Variants in EDA observed in about 807,000 individuals in gnomAD.
EDA encodes the protein ectodysplasin A.
Under a neutral mutation model 23.6 loss-of-function variants are expected in EDA, and 2 were observed. The observed-to-expected ratio is 0.08, with a 90% CI of 0.03 to 0.27. The LOEUF (loss-of-function observed/expected upper bound fraction) is 0.27. Ranked by LOEUF, EDA falls within the 10% of genes least tolerant of loss-of-function variation. The pLI is 1.00. For synonymous variants in EDA, 131 were observed against 132.0 expected, an observed-to-expected ratio of 0.99 and a Z score of 0.05; for missense variants, 229 against 324.2, an observed-to-expected ratio of 0.71 and a Z score of 2.26.
intron 1 of EDA, among the ~76,000 whole-genome samples, chrX:69,885,077 T>G (rs1269326774): frequency 8.9e-6 from 1 of 112,537 alleles, no homozygotes; most frequent in Non-Finnish European, 1.9e-5. Context: ...ATTAATGATG[T>G]TAAGCATCTT....
At chrX:69,618,190 TA>T (rs1932049930) in intron 1 of EDA, among the ~76,000 whole-genome samples, 2 of 112,054 alleles carry the variant, frequency 1.8e-5, no homozygotes, top group Admixed American at 1.9e-4. Context: ...ATGAAAGAAT[TA>T]AACTTCTTTA....
At chrX:69,882,606 A>G (rs1048933336) in intron 1 of EDA, among the ~76,000 whole-genome samples, 6 of 112,024 alleles carry the variant, frequency 5.4e-5, no homozygotes, top group Non-Finnish European at 1.1e-4. Flanking sequence ...GCCCCTGTCT[A>G]TTAGGCAGAA....
chrX:70,033,896 C>T (rs1001953421), intron 7 of EDA, among the ~76,000 whole-genome samples: 1 of 111,652 alleles, frequency 9.0e-6, no homozygotes, highest in Non-Finnish European at 1.9e-5. Context: ...AAAGTCAGTT[C>T]CAGGGTTACT....
rs1440667444 is a variant in EDA at position 69,702,058 on chromosome X, ATAT to A, written c.396+85355_396+85357del. 6.3e-5 allele frequency among the ~76,000 whole-genome samples: 7 copies of A among 111,674 alleles called. No homozygotes were observed. The Admixed American group carries it at 6.6e-4, about 11-fold the overall frequency. ...GACTGGGTGAGGTACTGAAACTCTA[ATAT>A]AAGAGGTAGGGTCTTCTGGAAATGA... On this transcript the variant is annotated intron_variant, in intron 1 of 7. Coordinates refer to ENST00000374552, the MANE Select transcript of EDA (RefSeq NM_001399.5).
intron 2 of EDA, among the ~76,000 whole-genome samples, chrX:69,978,906 C>G (rs1018719663): frequency 2.2e-4 from 25 of 111,648 alleles, no homozygotes; most frequent in African/African-American, 7.5e-4. Flanking sequence ...GTAAAATATA[C>G]ATAACAAAAT....
chrX:70,033,543 A>C lies in EDA; in HGVS notation c.924+15A>C. ...GTCAGGTAGAAGTGAGTACGGTCTTAGGCCTAACTCTTCTTATATCCAGAA... is the reference window on the plus strand; with the variant it reads ...GTCAGGTAGAAGTGAGTACGGTCTTCGGCCTAACTCTTCTTATATCCAGAA... On this transcript the variant is annotated intron_variant, in intron 7 of 7. Coordinates refer to ENST00000374552, the MANE Select transcript of EDA (RefSeq NM_001399.5). 1 of 1,209,814 alleles carries C rather than the reference A, an allele frequency of 8.3e-7. No homozygotes were observed. The highest frequency in any genetic ancestry group is 1.1e-6 in the Non-Finnish European group (1 of 894,750).
At chrX:69,916,853 A>G (rs2018354107) in intron 1 of EDA, among the ~76,000 whole-genome samples, 1 of 110,930 alleles carries the variant, frequency 9.0e-6, no homozygotes, top group African/African-American at 3.3e-5. Flanking sequence ...TCATCATTAC[A>G]TTTTTTAATA....
intron 1 of EDA, among the ~76,000 whole-genome samples, chrX:69,752,668 G>A (rs2013931298): frequency 8.9e-6 from 1 of 111,882 alleles, no homozygotes; most frequent in Non-Finnish European, 1.9e-5. Flanking sequence ...GCTCCTCTTT[G>A]TACCTCTGGT....
intron 1 of EDA, chrX:69,617,647 T>C (rs929022295): frequency 6.3e-5 from 19 of 301,841 alleles, no homozygotes; most frequent in African/African-American, 5.2e-4. Context: ...AATACTGTCT[T>C]GGTTGCCATA....
intron 1 of EDA, among the ~76,000 whole-genome samples, chrX:69,750,268 C>T (rs377509056): frequency 9.9e-6 from 1 of 100,665 alleles, no homozygotes; most frequent in East Asian, 3.2e-4. Flanking sequence ...TGAGAACATG[C>T]GGTGTTTGGT....
intron 1 of EDA, among the ~76,000 whole-genome samples, chrX:69,764,333 C>G (rs1042678368): frequency 9.8e-6 from 1 of 102,416 alleles, no homozygotes; most frequent in Non-Finnish European, 2.0e-5. Flanking sequence ...ACCTCCGCCT[C>G]CTGGGTTCAG....
At chrX:69,687,339 A>T (rs1190137985) in intron 1 of EDA, among the ~76,000 whole-genome samples, 1 of 109,813 alleles carries the variant, frequency 9.1e-6, no homozygotes, top group Admixed American at 9.8e-5. Flanking sequence ...TTAACTTGCA[A>T]ATATTGTCTT....
At chrX:69,655,141 A>G (rs1238348059) in intron 1 of EDA, among the ~76,000 whole-genome samples, 1 of 111,947 alleles carries the variant, frequency 8.9e-6, no homozygotes, top group Non-Finnish European at 1.9e-5. Flanking sequence ...CACGCCTGGA[A>G]TCCCAGCACT....
rs2017843422 is a variant in EDA, at chrX:69,887,261, C to T, written c.397-69766C>T. On this transcript the variant is annotated intron_variant, in intron 1 of 7. Coordinates refer to ENST00000374552, the MANE Select transcript of EDA (RefSeq NM_001399.5). Reference sequence around the variant, plus strand: ...GAGGTAGGCTGCAGTAAGCCATGATCGCACCACTGCACTCTAGCCTGGGCA... The same window carrying T: ...GAGGTAGGCTGCAGTAAGCCATGATTGCACCACTGCACTCTAGCCTGGGCA... 1.8e-5 allele frequency among the ~76,000 whole-genome samples: 2 copies of T among 111,186 alleles called. 1 individual carries two copies.
At chrX:70,034,373 C>T (rs190176862) in intron 7 of EDA, among the ~76,000 whole-genome samples, 360 of 111,530 alleles carry the variant, frequency 3.2e-3, no homozygotes, top group African/African-American at 9.7e-3. Flanking sequence ...GGTCCTGACC[C>T]GTATATGGCA....
chrX:70,032,438 C>G (rs1215151997), intron 6 of EDA, among the ~76,000 whole-genome samples: 1 of 111,000 alleles, frequency 9.0e-6, no homozygotes, highest in Non-Finnish European at 1.9e-5. Context: ...GACAGGCAGG[C>G]CTACTGAAAC....
chrX:69,992,127 A>G (rs1263328201), intron 2 of EDA, among the ~76,000 whole-genome samples: 1 of 111,738 alleles, frequency 8.9e-6, no homozygotes. Context: ...TTGTCTATGC[A>G]TGTTGGTGAT....
chrX:69,825,637 C>T (rs1602451076), intron 1 of EDA, among the ~76,000 whole-genome samples: 2 of 112,607 alleles, frequency 1.8e-5, no homozygotes, highest in African/African-American at 3.2e-5. Flanking sequence ...TGTTGATCCT[C>T]TCAAAAACCC....
intron 1 of EDA, among the ~76,000 whole-genome samples, chrX:69,941,777 A>G (rs2018761741): frequency 9.0e-6 from 1 of 111,094 alleles, no homozygotes; most frequent in African/African-American, 3.3e-5. Context: ...TTTACACTCA[A>G]TGTTATTATT....
Sources: gnomAD v4.1 joint callset for allele counts (sites outside exome capture counted in the v4.1 genomes callset) on GRCh38, gnomAD v4.1.1 for gene constraint, MANE v1.5 for transcripts, NCBI Gene and HGNC (gene_info 2026-07-23, HGNC 2026-07-21) for gene names.